Variants in ARHGEF7 observed in about 807,000 individuals in gnomAD.
The protein encoded by ARHGEF7 is PAK-interacting exchange factor beta.
In ARHGEF7, 33 loss-of-function variants were observed where a neutral mutation model predicts 109.8. That is an observed-to-expected ratio of 0.30 (90% CI 0.23 to 0.40). The LOEUF (loss-of-function observed/expected upper bound fraction) is 0.40, where lower values mean the gene tolerates loss of function less well. ARHGEF7 is among the 10% of genes least tolerant of loss of function. The pLI is 1.00. For synonymous variants in ARHGEF7, 458 were observed against 424.6 expected (o/e 1.08, Z -0.97); for missense variants, 938 against 1,098.5 (o/e 0.85, Z 2.07).
At chr13:111,212,262 A>G (rs1306167908) in intron 4 of ARHGEF7, among the ~76,000 whole-genome samples, 2 of 152,138 alleles carry the variant, frequency 1.3e-5, no homozygotes, top group African/African-American at 4.8e-5. Flanking sequence ...TTCCAAGGAA[A>G]GAACAGTCAG....
intron 2 of ARHGEF7, among the ~76,000 whole-genome samples, chr13:111,178,736 C>T (rs1354536754): frequency 6.6e-6 from 1 of 152,218 alleles, no homozygotes; most frequent in African/African-American, 2.4e-5. Context: ...TTTTCTCTAA[C>T]TGTCTCGTTG....
intron 17 of ARHGEF7, among the ~76,000 whole-genome samples, chr13:111,287,805 C>T (rs561750285): frequency 6.1e-4 from 93 of 152,258 alleles, no homozygotes; most frequent in Non-Finnish European, 1.1e-3. Context: ...GAGCAGCAGG[C>T]AGCCAGAGTC....
At chr13:111,133,611 A>G (rs2074902476) in intron 1 of ARHGEF7, among the ~76,000 whole-genome samples, 1 of 148,156 alleles carries the variant, frequency 6.7e-6, no homozygotes, top group African/African-American at 2.5e-5. Context: ...TGGTTCTTCC[A>G]TCTTTTTTTT....
intron 8 of ARHGEF7, among the ~76,000 whole-genome samples, chr13:111,254,548 C>T (rs1272631890): frequency 2.0e-5 from 3 of 148,404 alleles, no homozygotes; most frequent in African/African-American, 5.0e-5. Context: ...GAAGAGGATT[C>T]GGGCTAAGGC....
intron 1 of ARHGEF7, among the ~76,000 whole-genome samples, 181 bp downstream of exon 1, chr13:111,115,872 C>T (rs1258134559): frequency 9.0e-6 from 1 of 111,072 alleles, no homozygotes; most frequent in African/African-American, 3.2e-5. Flanking sequence ...CCATTGTGTG[C>T]GGGGCAGGGG....
chr13:111,171,276 G>A (rs982189440), intron 2 of ARHGEF7, among the ~76,000 whole-genome samples: 2 of 152,128 alleles, frequency 1.3e-5, no homozygotes, highest in African/African-American at 4.8e-5. Context: ...TGGCACTGTT[G>A]TAACCATAAA....
intron 2 of ARHGEF7, among the ~76,000 whole-genome samples, chr13:111,172,020 G>C (rs769837052): frequency 6.6e-6 from 1 of 152,188 alleles, no homozygotes; most frequent in Non-Finnish European, 1.5e-5. Context: ...TGGCTTATGA[G>C]CCGCCCAGGT....
rs557098102 is a variant in ARHGEF7 at position 111,301,396 on chromosome 13, C to T, written c.2412-82C>T. On this transcript the variant is annotated intron_variant, in intron 20 of 21. Transcript: ENST00000646102. ...CAGCTCCGTGTCCTCCTCTCAGCAT[C>T]GTAGTGTCTCCTGGTAAGTTTTCGT... 9.5e-6 allele frequency: 11 copies of T among 1,162,808 alleles called. No individual in the cohort carries two copies. The South Asian group carries it at 1.0e-4, about 11-fold the overall frequency. 72.0% of individuals were successfully genotyped at this position (1,162,808 alleles called of 1,614,324 possible). A position where few individuals can be genotyped will look rare whatever the true frequency, so the allele number is the denominator to read the frequency against.
chr13:111,141,124 G>C (rs1292544263), intron 1 of ARHGEF7, among the ~76,000 whole-genome samples: 1 of 152,086 alleles, frequency 6.6e-6, no homozygotes, highest in African/African-American at 2.4e-5. Flanking sequence ...TGATGCACCT[G>C]TTACAATTGA....
At chr13:111,293,574 C>T (rs1431513733) in intron 19 of ARHGEF7, 7 of 985,228 alleles carry the variant, frequency 7.1e-6, no homozygotes, top group South Asian at 9.4e-5. Flanking sequence ...CAAATCCACA[C>T]CTAGTCATTG....
In ARHGEF7 at chr13:111,273,583, G is replaced by A. The variant is rs186073808; in HGVS notation, c.1074-231G>A. ...TGGAGACCCACATGTCCTGTGCTGT[G>A]TATAGTTATTGTTGCTCATATGAGA... On this transcript the variant is annotated intron_variant, in intron 9 of 21. Transcript: ENST00000646102. This position sits in a 1 kb window ranked among gnomAD's most constrained non-coding sequence, Gnocchi z 4.5. Among the ~76,000 whole-genome samples the A allele has an allele frequency of 2.4e-4, 37 of 152,318 alleles. 1 individual carries two copies. The highest frequency in any genetic ancestry group is 2.4e-3 in the Admixed American group (36 of 15,308).
intron 19 of ARHGEF7, 44 bp downstream of exon 19, chr13:111,292,338 T>G (rs1380105842): frequency 6.2e-7 from 1 of 1,606,394 alleles, no homozygotes; most frequent in African/African-American, 1.3e-5. Context: ...ACTAATGCAC[T>G]TCTGAGCTTT....
In ARHGEF7 at chr13:111,266,991, G is replaced by T. The variant is rs996781531; in HGVS notation, c.951-557G>T. 2.3e-6 allele frequency: 1 copy of T among 442,930 alleles called. No individual in the cohort carries two copies. The highest frequency in any genetic ancestry group is 7.1e-5 in the East Asian group (1 of 14,024). The allele number at this position is 442,930 out of a possible 1,614,324, so 27.4% of individuals were successfully genotyped here. A position where few individuals can be genotyped will look rare whatever the true frequency, so the allele number is the denominator to read the frequency against. ...CTTGTCACCCCTCATGCAGCTTCCA[G>T]TGCTGGTTCTGGTAGTCTCTTCCTC... On this transcript the variant is annotated intron_variant, in intron 8 of 21. Transcript: ENST00000646102. This position sits in a 1 kb window ranked among gnomAD's most constrained non-coding sequence, Gnocchi z 4.8.
intron 2 of ARHGEF7, among the ~76,000 whole-genome samples, chr13:111,205,002 A>ACCCCG (rs576504962): frequency 0.14 from 21,887 of 151,408 alleles, 1,560 homozygotes; most frequent in South Asian, 0.22. Flanking sequence ...CCACCCCCCC[A>ACCCCG]CCCCGCCCCG....
chr13:111,156,737 A>T (rs1371029054), intron 2 of ARHGEF7, among the ~76,000 whole-genome samples: 1 of 152,244 alleles, frequency 6.6e-6, no homozygotes. Context: ...CTTGTGAAAT[A>T]TGTTGTGGGA....
chr13:111,271,029 T>C (rs1488624074), intron 9 of ARHGEF7, among the ~76,000 whole-genome samples: 1 of 152,130 alleles, frequency 6.6e-6, no homozygotes, highest in Non-Finnish European at 1.5e-5. Context: ...GGGGTCCGCC[T>C]GGGGTGCAGA....
In ARHGEF7 at chr13:111,303,684, C is replaced by T. The variant is rs1451952637; in HGVS notation, c.*571C>T. On this transcript the variant is annotated 3_prime_UTR_variant, in exon 22 of 22. Transcript: ENST00000646102. ...AACCTTATTTATACCTGCAGAGATA[C>T]ACTTCAGTCCCATTCAGAAGTCTTC... 1 of 152,242 alleles carries T rather than the reference C, an allele frequency of 6.6e-6. No homozygotes were observed. Among genetic ancestry groups the T allele is most frequent in the East Asian group, 1.9e-4 (1 of 5,188 alleles). The allele number at this position is 152,242 out of a possible 1,614,324, so 9.4% of individuals were successfully genotyped here.
At chr13:111,244,547 A>G (rs1410905437) in intron 8 of ARHGEF7, among the ~76,000 whole-genome samples, 1 of 152,212 alleles carries the variant, frequency 6.6e-6, no homozygotes, top group African/African-American at 2.4e-5. Context: ...CGGGATGAAG[A>G]GCCTCTGGGA....
chr13:111,264,222 T>C (rs2091387426), intron 8 of ARHGEF7, among the ~76,000 whole-genome samples: 1 of 152,226 alleles, frequency 6.6e-6, no homozygotes, highest in Non-Finnish European at 1.5e-5. Flanking sequence ...ACCAGTGTTG[T>C]TGAGAGCTTG....
Sources: allele counts gnomAD v4.1 joint callset (sites outside exome capture counted in the v4.1 genomes callset), GRCh38; gene constraint gnomAD v4.1.1; non-coding constraint Gnocchi (gnomAD v3.1); transcripts MANE v1.5; gene names NCBI Gene and HGNC (gene_info 2026-07-23, HGNC 2026-07-21).